Variants in JAZF1 observed in about 807,000 individuals in gnomAD.
JAZF1 encodes juxtaposed with another zinc finger protein 1.
A neutral mutation model predicts 26.4 loss-of-function variants in JAZF1; 8 were observed. The observed-to-expected ratio is 0.30, with a 90% CI of 0.18 to 0.55. JAZF1 has a LOEUF of 0.55. Among genes scored for constraint, JAZF1 ranks in the 20% least tolerant of loss-of-function variants. The pLI, the probability that JAZF1 is intolerant of heterozygous loss-of-function variation, is 0.94. For synonymous variants in JAZF1, 126 were observed against 122.3 expected, an observed-to-expected ratio of 1.03 and a Z score of -0.20; for missense variants, 199 against 322.0, an observed-to-expected ratio of 0.62 and a Z score of 2.92.
intron 1 of JAZF1, among the ~76,000 whole-genome samples, chr7:28,059,430 T>A (rs901194781): frequency 6.6e-6 from 1 of 152,168 alleles, no homozygotes; most frequent in African/African-American, 2.4e-5. Flanking sequence ...AACCTAAACA[T>A]TACTAATTTC....
At chr7:28,004,108 TATCA>T (rs1782657854) in intron 1 of JAZF1, among the ~76,000 whole-genome samples, 1 of 152,160 alleles carries the variant, frequency 6.6e-6, no homozygotes, top group South Asian at 2.1e-4. Context: ...AGTGTAGAAG[TATCA>T]GCTTTTCTAA....
At chr7:28,148,820 G>C (rs1486751403) in intron 1 of JAZF1, among the ~76,000 whole-genome samples, 1 of 152,182 alleles carries the variant, frequency 6.6e-6, no homozygotes, top group Non-Finnish European at 1.5e-5. Context: ...AGCAACAAAG[G>C]AACGAGGCAG....
chr7:28,180,720 G>A lies in JAZF1; in HGVS notation c.-143C>T. On this transcript the variant is annotated 5_prime_UTR_variant, in exon 1 of 5. Transcript: ENST00000283928. The stretch of plus-strand genomic sequence containing the variant: ...GTGAGGGGAGCGGCGAGGACGGGAC[G>A]GAGGGAGAGGGGGCGAGAGAGATGG... 1.8e-6 allele frequency: 1 copy of A among 564,674 alleles called. No individual in the cohort carries two copies. The highest frequency in any genetic ancestry group is 2.6e-5 in the Admixed American group (1 of 38,818). 35.0% of individuals were successfully genotyped at this position (564,674 alleles called of 1,614,324 possible).
intron 3 of JAZF1, among the ~76,000 whole-genome samples, chr7:27,872,495 C>T (rs993272490): frequency 2.0e-5 from 3 of 152,178 alleles, no homozygotes; most frequent in South Asian, 4.1e-4. Flanking sequence ...GCAGCCCACG[C>T]GGGTATACGG....
At chr7:27,982,532 T>C (rs1463697050) in intron 2 of JAZF1, among the ~76,000 whole-genome samples, 3 of 152,204 alleles carry the variant, frequency 2.0e-5, no homozygotes, top group South Asian at 4.2e-4. Context: ...GGACAGGGCA[T>C]AGCTGAATAA....
Position 28,144,413 on chromosome 7 carries a change from C to G in JAZF1, c.115+36050G>C, listed in dbSNP as rs138024344. On this transcript the variant is annotated intron_variant, in intron 1 of 4. Coordinates refer to ENST00000283928, the MANE Select transcript of JAZF1 (RefSeq NM_175061.4). The stretch of plus-strand genomic sequence containing the variant: ...ATTGTAAGTTCTCAGTGTGTATACA[C>G]TGCATTATTCAGTCATCAATTTCCA... Among the ~76,000 whole-genome samples the G allele has an allele frequency of 4.4e-3, 677 of 152,344 alleles. 11 individuals are homozygous for G. Among genetic ancestry groups the G allele is most frequent in the African/African-American group, 0.015 (635 of 41,566 alleles).
At chr7:27,995,791 T>TCCTA (rs1786003674) in intron 1 of JAZF1, among the ~76,000 whole-genome samples, 1 of 152,174 alleles carries the variant, frequency 6.6e-6, no homozygotes, top group Non-Finnish European at 1.5e-5. Context: ...GCTCCTGTGG[T>TCCTA]CCTAGTAACT....
intron 1 of JAZF1, among the ~76,000 whole-genome samples, chr7:28,021,547 G>A (rs773700688): frequency 6.6e-6 from 1 of 152,116 alleles, no homozygotes; most frequent in African/African-American, 2.4e-5. Flanking sequence ...GTGCAGTGAC[G>A]GGCAGGAAAG....
chr7:27,880,568 G>A (rs1323823143), intron 3 of JAZF1, among the ~76,000 whole-genome samples: 1 of 152,026 alleles, frequency 6.6e-6, no homozygotes, highest in Non-Finnish European at 1.5e-5. Flanking sequence ...GAGAGACAGA[G>A]GTTGCAGTGA....
chr7:28,117,791 A>G (rs7778370), intron 1 of JAZF1, among the ~76,000 whole-genome samples: 1,947 of 152,334 alleles, frequency 0.013, 32 homozygotes, highest in African/African-American at 0.044. Flanking sequence ...CACATCATCA[A>G]CAATATCTTT....
At chr7:27,978,946 G>A (rs38505) in intron 2 of JAZF1, among the ~76,000 whole-genome samples, 1 of 152,026 alleles carries the variant, frequency 6.6e-6, no homozygotes, top group East Asian at 1.9e-4. Flanking sequence ...GACAGTGTGA[G>A]AGTGAGTGCA....
intron 2 of JAZF1, among the ~76,000 whole-genome samples, chr7:27,925,192 T>C (rs1284309064): frequency 6.6e-6 from 1 of 152,166 alleles, no homozygotes; most frequent in African/African-American, 2.4e-5. Flanking sequence ...TGGAGAATAA[T>C]GTAGGTAATT....
At chr7:28,031,945 A>T (rs1402714248) in intron 1 of JAZF1, among the ~76,000 whole-genome samples, 1 of 152,192 alleles carries the variant, frequency 6.6e-6, no homozygotes, top group African/African-American at 2.4e-5. Context: ...AAGAGACAGG[A>T]TCTACACTTT....
intron 3 of JAZF1, among the ~76,000 whole-genome samples, chr7:27,864,828 T>C (rs921627121): frequency 6.6e-6 from 1 of 152,192 alleles, no homozygotes; most frequent in Non-Finnish European, 1.5e-5. Context: ...TACTTCCCTC[T>C]TGGGGAGATC....
chr7:28,096,043 G>A (rs1354417687), intron 1 of JAZF1, among the ~76,000 whole-genome samples: 1 of 152,124 alleles, frequency 6.6e-6, no homozygotes, highest in African/African-American at 2.4e-5. Flanking sequence ...TATCCTGGGG[G>A]TTAGGGCTTC....
intron 1 of JAZF1, among the ~76,000 whole-genome samples, chr7:28,032,294 A>G (rs888674968): frequency 2.6e-5 from 4 of 152,214 alleles, no homozygotes; most frequent in Admixed American, 2.0e-4. Context: ...TTGGATACAA[A>G]CCAAGGACAG....
chr7:28,108,597 G>C (rs1021470227), intron 1 of JAZF1, among the ~76,000 whole-genome samples: 1 of 152,126 alleles, frequency 6.6e-6, no homozygotes, highest in African/African-American at 2.4e-5. Context: ...GTGCACTGTT[G>C]GCAGGAATGT....
rs971796343 is a variant in JAZF1 at position 28,140,095 on chromosome 7, T to A, written c.115+40368A>T. Among the ~76,000 whole-genome samples the A allele has an allele frequency of 1.6e-3, 245 of 151,680 alleles. 4 individuals carry two copies. Among genetic ancestry groups the A allele is most frequent in the Admixed American group, 0.013 (203 of 15,242 alleles). Reference sequence around the variant, plus strand: ...GAAAGTCACAAATCTTTTTTTTTTTTTTTTTGAGACGGAGTTTCACTCTGT... The same window carrying A: ...GAAAGTCACAAATCTTTTTTTTTTTATTTTTGAGACGGAGTTTCACTCTGT... On this transcript the variant is annotated intron_variant, in intron 1 of 4. Transcript: ENST00000283928.
At chr7:27,942,628 C>T (rs1784865838) in intron 2 of JAZF1, among the ~76,000 whole-genome samples, 1 of 152,176 alleles carries the variant, frequency 6.6e-6, no homozygotes. Context: ...TTGTAAGTTT[C>T]AGAGCCCAGG....
Sources: allele counts gnomAD v4.1 joint callset (sites outside exome capture counted in the v4.1 genomes callset), GRCh38; gene constraint gnomAD v4.1.1; transcripts MANE v1.5; gene names NCBI Gene and HGNC (gene_info 2026-07-23, HGNC 2026-07-21).